LSG1: variants seen among roughly 807,000 people sequenced by gnomAD.
LSG1 encodes large 60S subunit nuclear export GTPase 1, also known as large subunit GTPase 1 homolog.
In LSG1, 55 loss-of-function variants were observed where a neutral mutation model predicts 82.6. The ratio of observed to expected loss-of-function variants is 0.67; its 90% CI spans 0.54 to 0.83. The LOEUF (loss-of-function observed/expected upper bound fraction) is 0.83. LSG1 is among the 40% of genes least tolerant of loss of function. The probability of loss-of-function intolerance (pLI) is 0.00; values close to 1 mark genes in which losing one functional copy is unlikely to be tolerated. For synonymous variants in LSG1, 272 were observed against 282.5 expected (o/e 0.96, Z 0.37); for missense variants, 809 against 807.9 (o/e 1.00, Z -0.02).
Position 194,666,213 on chromosome 3 carries a change from G to C in LSG1, c.424C>G (p.Gln142Glu), listed in dbSNP as rs562160070. The change falls in exon 4 of 14, where the codon CAG becomes GAG. Residue 142 changes from glutamine to glutamate, a missense_variant. Gln to Glu is a conservative substitution (Grantham distance 29, BLOSUM62 2). Transcript: ENST00000265245. ...GTCTATAATACTCACCGGACAAGCT[G>C]ACGTCTCCATTCTAGAAAGTTATCT... ...EKDNFLEWRR[Q>E]LVRLEEEQKL... 1 of 1,613,900 alleles carries C rather than the reference G, an allele frequency of 6.2e-7. No individual in the cohort carries two copies. The highest frequency in any genetic ancestry group is 2.2e-5 in the East Asian group (1 of 44,874).
At chr3:194,662,803 C>T (rs917311640) in intron 5 of LSG1, among the ~76,000 whole-genome samples, 1 of 152,112 alleles carries the variant, frequency 6.6e-6, no homozygotes, top group African/African-American at 2.4e-5. Context: ...AACTGACTGG[C>T]TCTGGGGAAA....
intron 5 of LSG1, among the ~76,000 whole-genome samples, chr3:194,662,725 G>A (rs1250055283): frequency 6.6e-6 from 1 of 152,184 alleles, no homozygotes; most frequent in Non-Finnish European, 1.5e-5. Context: ...TCACGCCACT[G>A]CACTCCAGCC....
Position 194,641,301 on chromosome 3 carries a change from G to C in LSG1, c.*767C>G, listed in dbSNP as rs568819276. ...TTAGGACATTTTTATCACTGCAAAA[G>C]AAAGACCTCAATCTTCCCATTCCTC... is the stretch of plus-strand genomic sequence containing the variant. On this transcript the variant is annotated 3_prime_UTR_variant, in exon 14 of 14. Transcript: ENST00000265245. The C allele has an allele frequency of 6.6e-6, 1 of 152,300 alleles. No homozygotes were observed. Among genetic ancestry groups the C allele is most frequent in the Non-Finnish European group, 1.5e-5 (1 of 68,026 alleles). 9.4% of individuals were successfully genotyped at this position (152,300 alleles called of 1,614,324 possible).
At chr3:194,671,672 C>T (rs570860914) in intron 1 of LSG1, among the ~76,000 whole-genome samples, 1 of 152,352 alleles carries the variant, frequency 6.6e-6, no homozygotes, top group East Asian at 1.9e-4. Flanking sequence ...TTTTATATTT[C>T]TGGCAGTAAC....
intron 1 of LSG1, chr3:194,671,767 C>G: frequency 2.2e-6 from 1 of 449,302 alleles, no homozygotes; most frequent in Non-Finnish European, 3.9e-6. Flanking sequence ...GTTCCAAGCA[C>G]TTCAGTGGCT....
Position 194,651,161 on chromosome 3 carries a change from T to C in LSG1, c.1229A>G (p.Lys410Arg). 1.9e-6 allele frequency: 3 copies of C among 1,614,230 alleles called. No homozygotes were observed. The highest frequency in any genetic ancestry group is 2.2e-5 in the East Asian group (1 of 44,886). Residue 410 changes from lysine (K) to arginine (R), a missense_variant, in exon 9 of 14, where the codon AAG becomes AGG. Transcript: ENST00000265245. Reference sequence around the variant, plus strand: ...AGGTGTGGCAGACACAGATACTTTCTTGTTGCCCATGATGGTGTTGATTGT... The same window carrying C: ...AGGTGTGGCAGACACAGATACTTTCCTGTTGCCCATGATGGTGTTGATTGT... ...SSTINTIMGN[K>R]KVSVSATPGH... is the part of the protein sequence containing the mutation.
chr3:194,658,845 A>T, intron 7 of LSG1, 112 bp downstream of exon 7: 1 of 1,104,566 alleles, frequency 9.1e-7, no homozygotes, highest in Non-Finnish European at 1.3e-6. Context: ...CAGAGGAAAA[A>T]CTCTAATTCC....
At position 194,652,862 on chromosome 3, in the gene LSG1, C is replaced by T. The variant is rs202045248; in HGVS notation, c.1040G>A (p.Arg347Gln). Residue 347 changes from arginine (R) to glutamine (Q), a missense_variant, in exon 8 of 14, where the codon CGG becomes CAG. Coordinates refer to ENST00000265245, the MANE Select transcript of LSG1 (RefSeq NM_018385.3). Reference sequence around the variant, plus strand: ...CCTCTTCTGTGGGGTTTTCCTGCTCCGAGCCTCAGAATCTGCAGTAGAGCT... The same window carrying T: ...CCTCTTCTGTGGGGTTTTCCTGCTCTGAGCCTCAGAATCTGCAGTAGAGCT... ...KESSTADSEA[R>Q]SRKTPQKRQI... The T allele has an allele frequency of 1.7e-5, 27 of 1,614,100 alleles. No homozygotes were observed. Among genetic ancestry groups the T allele is most frequent in the Middle Eastern group, 1.6e-4 (1 of 6,062 alleles).
At chr3:194,659,955 G>T in intron 6 of LSG1, 118 bp downstream of exon 6, 2 of 789,990 alleles carry the variant, frequency 2.5e-6, no homozygotes, top group Non-Finnish European at 4.4e-6. Context: ...AGGAGGGAAG[G>T]CCTCACTAAA....
intron 12 of LSG1, chr3:194,645,531 GACAGACACACACACACACACAC>G (rs761958939): frequency 0.11 from 3,931 of 35,092 alleles, 474 homozygotes; most frequent in East Asian, 0.13. Context: ...CACACACACA[GACAGACACACACACACACACAC>G]ACACACACAC....
chr3:194,656,388 T>G (rs964547024), intron 7 of LSG1, among the ~76,000 whole-genome samples: 21 of 152,028 alleles, frequency 1.4e-4, no homozygotes, highest in African/African-American at 5.1e-4. Flanking sequence ...CCAAAAAACA[T>G]GTGAAAAAAT....
intron 3 of LSG1, 28 bp downstream of exon 3, chr3:194,666,424 T>C (rs755626272): frequency 6.2e-7 from 1 of 1,609,520 alleles, no homozygotes; most frequent in Non-Finnish European, 8.5e-7. Flanking sequence ...GGATGTTTTG[T>C]GGCATTCTAA....
At chr3:194,651,858 T>C (rs567050442) in intron 8 of LSG1, among the ~76,000 whole-genome samples, 1 of 152,336 alleles carries the variant, frequency 6.6e-6, no homozygotes, top group Non-Finnish European at 1.5e-5. Flanking sequence ...AACAAGTTAG[T>C]TCTACTGCTG....
intron 6 of LSG1, 97 bp from the exon 7 acceptor site, chr3:194,659,230 T>C (rs1773194): frequency 0.68 from 582,081 of 857,504 alleles, 202,591 homozygotes; most frequent in East Asian, 0.86. Context: ...TTACTGCCCC[T>C]AGTTTTAAAT....
At position 194,641,969 on chromosome 3, in the gene LSG1, C is replaced by A; in HGVS notation, c.*99G>T. 4.5e-6 allele frequency: 6 copies of A among 1,334,092 alleles called. No individual in the cohort carries two copies. Among genetic ancestry groups the A allele is most frequent in the Non-Finnish European group, 6.2e-6 (6 of 963,736 alleles). The allele number at this position is 1,334,092 out of a possible 1,614,324, so 82.6% of individuals were successfully genotyped here. A position where few individuals can be genotyped will look rare whatever the true frequency, so the allele number is the denominator to read the frequency against. ...GTGCTCTGCAAGAGCAGGGCCCGTT[C>A]TACAGTGCTAGTGTCTTGGGACGGT... is the stretch of plus-strand genomic sequence containing the variant. On this transcript the variant is annotated 3_prime_UTR_variant, in exon 14 of 14. Transcript: ENST00000265245.
intron 2 of LSG1, among the ~76,000 whole-genome samples, chr3:194,669,073 A>G (rs1009294674): frequency 5.3e-5 from 8 of 152,230 alleles, no homozygotes; most frequent in African/African-American, 9.6e-5. Flanking sequence ...GTCAAACGGT[A>G]AAGTTTTACT....
Position 194,659,722 on chromosome 3 carries a change from G to A in LSG1, c.582+351C>T, listed in dbSNP as rs574892044. Among the ~76,000 whole-genome samples the A allele has an allele frequency of 7.2e-5, 11 of 152,272 alleles. No homozygotes were observed. In the South Asian group the frequency reaches 1.2e-3, roughly 17 times the overall value. ...AAGTGTGAGAAGACAGAACCTTATG[G>A]GATGAATTAAAAAGTGAAGTGACCG... On this transcript the variant is annotated intron_variant, in intron 6 of 13. Transcript: ENST00000265245.
At chr3:194,650,855 G>A in intron 10 of LSG1, 26 bp downstream of exon 10, 1 of 1,596,276 alleles carries the variant, frequency 6.3e-7, no homozygotes, top group Non-Finnish European at 8.5e-7. Context: ...GTAATAACTA[G>A]AGTGTTTCCA....
At chr3:194,667,957 A>G (rs1719066844) in intron 2 of LSG1, among the ~76,000 whole-genome samples, 1 of 134,108 alleles carries the variant, frequency 7.5e-6, no homozygotes, top group Non-Finnish European at 1.6e-5. Flanking sequence ...ATATATATAT[A>G]TATATATATA....
Sources: allele counts gnomAD v4.1 joint callset (sites outside exome capture counted in the v4.1 genomes callset), GRCh38; gene constraint gnomAD v4.1.1; transcripts MANE v1.5; gene names NCBI Gene and HGNC (gene_info 2026-07-23, HGNC 2026-07-21).